REV3L: variants seen among roughly 807,000 people sequenced by gnomAD.
REV3L encodes DNA polymerase zeta catalytic subunit.
In REV3L, 69 loss-of-function variants were observed where a neutral mutation model predicts 299.4. The ratio of observed to expected loss-of-function variants is 0.23; its 90% CI spans 0.19 to 0.28. The LOEUF is 0.28. Among genes scored for constraint, REV3L ranks in the 10% least tolerant of loss-of-function variants. The pLI is 1.00. For synonymous variants in REV3L, 1,238 were observed against 1,271.4 expected (o/e 0.97, Z 0.56); for missense variants, 3,128 against 3,693.8 (o/e 0.85, Z 3.97).
chr6:111,322,239 T>C (rs576810805), intron 26 of REV3L, among the ~76,000 whole-genome samples: 22 of 152,310 alleles, frequency 1.4e-4, no homozygotes, highest in African/African-American at 5.1e-4. Flanking sequence ...ACAGCTATAT[T>C]AGAGGAATTA....
rs17511455 is a variant in REV3L, at chr6:111,313,342, T to G, written c.8604+10A>C. On this transcript the variant is annotated intron_variant, in intron 28 of 31. Coordinates refer to ENST00000368802, the MANE Select transcript of REV3L (RefSeq NM_001372078.1). ...TTCTTACAGATGAAGACAAGATAGA[T>G]AAACCTTACCTTAGAAACAGCAGGG... is the stretch of plus-strand genomic sequence containing the variant. 2,875 of 1,602,092 alleles carry G rather than the reference T, an allele frequency of 1.8e-3. 41 individuals carry two copies. In the African/African-American group the frequency reaches 0.034, roughly 19 times the overall value.
In REV3L at chr6:111,311,176, C is replaced by A. The variant is rs769224400; in HGVS notation, c.8688G>T (p.Lys2896Asn). ...GTATGCTGGCCTTTCCTTCCAGAAG[C>A]TTCATACATTGTCGCTGAACATACT... is the stretch of plus-strand genomic sequence containing the variant. ...IKQYVQRQCM[K>N]LLEGKASIQD... The change falls in exon 29 of 32, where the codon AAG becomes AAT. Residue 2896 changes from lysine to asparagine, a missense_variant. Around this residue, in one of 9 missense-constraint regions of REV3L, gnomAD observed 294 missense variants for 377.0 expected, o/e 0.78. Transcript: ENST00000368802. 1.9e-6 allele frequency: 3 copies of A among 1,614,058 alleles called. No individual in the cohort carries two copies. The South Asian group carries it at 3.3e-5, about 18-fold the overall frequency.
intron 1 of REV3L, among the ~76,000 whole-genome samples, chr6:111,473,958 A>G (rs1792577965): frequency 6.6e-6 from 1 of 152,186 alleles, no homozygotes; most frequent in African/African-American, 2.4e-5. Flanking sequence ...GATGCTTCTC[A>G]ACCCTTTTAA....
At position 111,375,509 on chromosome 6, in the gene REV3L, A is replaced by G; in HGVS notation, c.2846T>C (p.Met949Thr). The G allele has an allele frequency of 6.2e-7, 1 of 1,607,024 alleles. No individual in the cohort carries two copies. Among genetic ancestry groups the G allele is most frequent in the Non-Finnish European group, 8.5e-7 (1 of 1,178,294 alleles). The change falls in exon 13 of 32, where the codon ATG becomes ACG. Residue 949 changes from methionine (M) to threonine (T), a missense_variant. Transcript: ENST00000368802. ...TCCATCTAAACTTTCACCAATTTCC[A>G]TGGGATGAGGTAGACTAATTTTTGA... ...HNSKISLPHP[M>T]EIGESLDGTL...
chr6:111,365,021 T>C lies in REV3L; in HGVS notation c.6753+244A>G, dbSNP rs531429539. Among the ~76,000 whole-genome samples the C allele has an allele frequency of 4.6e-5, 7 of 152,158 alleles. No individual in the cohort carries two copies. In the South Asian group the frequency reaches 1.5e-3, roughly 32 times the overall value. ...TATTTGTATCCTCATAATCCACATT[T>C]TGGCTATCATATTCACTTTCTCTGT... On this transcript the variant is annotated intron_variant, in intron 15 of 31. Coordinates refer to ENST00000368802, the MANE Select transcript of REV3L (RefSeq NM_001372078.1).
intron 25 of REV3L, 46 bp from the exon 26 acceptor site, chr6:111,322,724 T>C: frequency 7.2e-7 from 1 of 1,388,562 alleles, no homozygotes; most frequent in Non-Finnish European, 1.0e-6. Context: ...CATAGCTCAG[T>C]ATAAGTTAAC....
At chr6:111,356,536 T>C (rs181083664) in intron 18 of REV3L, 2 of 152,242 alleles carry the variant, frequency 1.3e-5, no homozygotes, top group Admixed American at 6.5e-5. Flanking sequence ...GATAAATTTA[T>C]ACAGAGAATG....
chr6:111,369,386 T>C (rs1026873455), intron 13 of REV3L, among the ~76,000 whole-genome samples: 1 of 151,520 alleles, frequency 6.6e-6, no homozygotes, highest in African/African-American at 2.4e-5. Context: ...AAAAAAAATC[T>C]CCTAATATGT....
intron 7 of REV3L, 50 bp from the exon 8 acceptor site, chr6:111,388,135 A>G (rs552540187): frequency 3.2e-6 from 4 of 1,268,498 alleles, no homozygotes; most frequent in African/African-American, 3.0e-5. Flanking sequence ...AATGAATGAA[A>G]TATTTTCCCT....
rs143478309 is a variant in REV3L, at chr6:111,373,020, T to A, written c.5335A>T (p.Arg1779Trp). 3 of 1,614,100 alleles carry A rather than the reference T, an allele frequency of 1.9e-6. No individual in the cohort carries two copies. Among genetic ancestry groups the A allele is most frequent in the Non-Finnish European group, 2.5e-6 (3 of 1,180,034 alleles). ...AACACTTCTTTGCTTACTGAACTCC[T>A]ATTCAATCTAGATTTTTCACTTAGA... ...DCLSEKSRLNRSSVSKEVFLS... is the reference protein window; with the variant it reads ...DCLSEKSRLNWSSVSKEVFLS... The change falls in exon 13 of 32, where the codon AGG (arginine) becomes TGG (tryptophan). Residue 1779 changes from arginine (R) to tryptophan (W), a missense_variant. Around this residue, in one of 9 missense-constraint regions of REV3L, gnomAD observed 2,409 missense variants for 2,611.8 expected, o/e 0.92. Coordinates refer to ENST00000368802, the MANE Select transcript of REV3L (RefSeq NM_001372078.1).
At chr6:111,462,205 A>G (rs1790855271) in intron 1 of REV3L, among the ~76,000 whole-genome samples, 4 of 152,292 alleles carry the variant, frequency 2.6e-5, no homozygotes, top group South Asian at 4.1e-4. Context: ...CTCTTTATTA[A>G]TAAGTGATAC....
At chr6:111,339,174 T>C (rs997944350) in intron 21 of REV3L, among the ~76,000 whole-genome samples, 2 of 152,150 alleles carry the variant, frequency 1.3e-5, no homozygotes, top group Admixed American at 6.5e-5. Flanking sequence ...AAGAAAGACG[T>C]ACCAATTAAT....
chr6:111,340,031 T>C (rs933092132), intron 21 of REV3L, among the ~76,000 whole-genome samples: 13 of 152,154 alleles, frequency 8.5e-5, no homozygotes, highest in African/African-American at 3.1e-4. Flanking sequence ...TGGGTAGTGC[T>C]GAAATGGGAA....
chr6:111,433,381 A>G (rs1311818992), intron 1 of REV3L, among the ~76,000 whole-genome samples: 2 of 152,188 alleles, frequency 1.3e-5, no homozygotes, highest in Non-Finnish European at 2.9e-5. Flanking sequence ...AGACCACAGA[A>G]ATACAAAGAG....
intron 5 of REV3L, 43 bp downstream of exon 5, chr6:111,392,833 G>C (rs1473046514): frequency 8.2e-7 from 1 of 1,218,590 alleles, no homozygotes; most frequent in Non-Finnish European, 1.2e-6. Flanking sequence ...ATCACAACTA[G>C]GATATATGTA....
intron 1 of REV3L, among the ~76,000 whole-genome samples, chr6:111,434,053 G>C (rs908549164): frequency 2.6e-5 from 4 of 151,964 alleles, no homozygotes; most frequent in African/African-American, 9.7e-5. Context: ...AAATAATAAA[G>C]AATATATATT....
At chr6:111,305,095 C>A (rs1469206438) in intron 31 of REV3L, among the ~76,000 whole-genome samples, 1 of 152,056 alleles carries the variant, frequency 6.6e-6, no homozygotes, top group Non-Finnish European at 1.5e-5. Context: ...GCATGTGCCA[C>A]CACGCCTGGC....
At chr6:111,476,232 T>C (rs1792923759) in intron 1 of REV3L, among the ~76,000 whole-genome samples, 1 of 152,204 alleles carries the variant, frequency 6.6e-6, no homozygotes, top group Admixed American at 6.5e-5. Flanking sequence ...CATGGCTCAC[T>C]GCAGCCTTCA....
chr6:111,483,026 C>G lies in REV3L; in HGVS notation c.-138G>C. 9.3e-7 allele frequency: 1 copy of G among 1,079,110 alleles called. No individual in the cohort carries two copies. The highest frequency in any genetic ancestry group is 1.2e-6 in the Non-Finnish European group (1 of 818,274). The allele number at this position is 1,079,110 out of a possible 1,614,324, so 66.8% of individuals were successfully genotyped here. A position where few individuals can be genotyped will look rare whatever the true frequency, so the allele number is the denominator to read the frequency against. On this transcript the variant is annotated 5_prime_UTR_variant, in exon 1 of 32. Coordinates refer to ENST00000368802, the MANE Select transcript of REV3L (RefSeq NM_001372078.1). ...CCCCTCCCCTCACACAGAGGCACCTCGAGGAGCGGCGGGCGGGGCGGTGTA... is the reference window on the plus strand; with the variant it reads ...CCCCTCCCCTCACACAGAGGCACCTGGAGGAGCGGCGGGCGGGGCGGTGTA...
Sources: allele counts gnomAD v4.1 joint callset (sites outside exome capture counted in the v4.1 genomes callset), GRCh38; gene constraint gnomAD v4.1.1; regional missense constraint gnomAD v4.1.1; transcripts MANE v1.5; gene names NCBI Gene and HGNC (gene_info 2026-07-23, HGNC 2026-07-21).